PARN: variants seen among roughly 807,000 people sequenced by gnomAD.
The protein encoded by PARN is poly(A)-specific ribonuclease.
A neutral mutation model predicts 102.8 loss-of-function variants in PARN; 71 were observed. That is an observed-to-expected ratio of 0.69 (90% CI 0.57 to 0.84). The LOEUF (loss-of-function observed/expected upper bound fraction) is 0.84. PARN is among the 40% of genes least tolerant of loss of function. The pLI, the probability that PARN is intolerant of heterozygous loss-of-function variation, is 0.00. For missense variants in PARN, 782 were observed against 760.9 expected, an observed-to-expected ratio of 1.03 and a Z score of -0.33; for synonymous variants, 261 against 252.9, an observed-to-expected ratio of 1.03 and a Z score of -0.30.
chr16:14,608,207 G>A, intron 9 of PARN, 74 bp downstream of exon 9: 2 of 1,072,514 alleles, frequency 1.9e-6, no homozygotes, highest in South Asian at 2.9e-5. Flanking sequence ...AAGGAAATGA[G>A]AACTAAGAGA....
chr16:14,604,061 C>T, intron 11 of PARN, 85 bp downstream of exon 11: 1 of 843,648 alleles, frequency 1.2e-6, no homozygotes, highest in African/African-American at 1.7e-5. Context: ...AAATTGAATC[C>T]AACATATGAT....
At chr16:14,594,705 C>T (rs1837430164) in intron 12 of PARN, among the ~76,000 whole-genome samples, 1 of 152,072 alleles carries the variant, frequency 6.6e-6, no homozygotes, top group Non-Finnish European at 1.5e-5. Context: ...GACAGTCAGA[C>T]TCTGTCTTGG....
chr16:14,559,836 G>A (rs534570489), intron 18 of PARN, among the ~76,000 whole-genome samples: 9 of 152,246 alleles, frequency 5.9e-5, no homozygotes, highest in Middle Eastern at 3.4e-3. Context: ...TCCAAAACCC[G>A]GAAGAACACG....
chr16:14,480,428 A>G (rs1316048434), intron 22 of PARN, among the ~76,000 whole-genome samples: 2 of 152,242 alleles, frequency 1.3e-5, no homozygotes, highest in African/African-American at 4.8e-5. Flanking sequence ...CGTGCAGCAA[A>G]AATATCTGAC....
At chr16:14,560,731 C>T (rs926623728) in intron 18 of PARN, among the ~76,000 whole-genome samples, 2 of 152,246 alleles carry the variant, frequency 1.3e-5, no homozygotes, top group Non-Finnish European at 2.9e-5. Flanking sequence ...GTCACTTCCA[C>T]TCAGTCTCTT....
chr16:14,586,360 T>A lies in PARN; in HGVS notation c.920A>T (p.Asp307Val). 1 of 1,522,672 alleles carries A rather than the reference T, an allele frequency of 6.6e-7. No homozygotes were observed. The highest frequency in any genetic ancestry group is 8.9e-7 in the Non-Finnish European group (1 of 1,117,942). The allele number at this position is 1,522,672 out of a possible 1,614,324, so 94.3% of individuals were successfully genotyped here. Residue 307 changes from aspartate (D) to valine (V), a missense_variant and splice_region_variant, in exon 14 of 24, where the codon GAC (aspartate) becomes GTC (valine). Coordinates refer to ENST00000437198, the MANE Select transcript of PARN (RefSeq NM_002582.4). ...TGTCATCTCTTTAAACTCACTTAAGTCCTAAAGAACAAGAGAAGGACTTGT... is the reference window on the plus strand; with the variant it reads ...TGTCATCTCTTTAAACTCACTTAAGACCTAAAGAACAAGAGAAGGACTTGT... ...VHQFYCPLPA[D>V]LSEFKEMTTC...
At chr16:14,438,799 C>G (rs527915177) in intron 23 of PARN, among the ~76,000 whole-genome samples, 1 of 152,184 alleles carries the variant, frequency 6.6e-6, no homozygotes, top group African/African-American at 2.4e-5. Flanking sequence ...TCTACCTGTA[C>G]AGCTGCTGAG....
intron 18 of PARN, among the ~76,000 whole-genome samples, chr16:14,559,227 GTTTTT>G (rs963443305): frequency 6.9e-6 from 1 of 145,950 alleles, no homozygotes; most frequent in Non-Finnish European, 1.5e-5. Context: ...AGATGTTGTT[GTTTTT>G]TTTTTATTTC....
intron 21 of PARN, among the ~76,000 whole-genome samples, chr16:14,524,264 T>A (rs1445248644): frequency 6.6e-6 from 1 of 152,200 alleles, no homozygotes; most frequent in African/African-American, 2.4e-5. Flanking sequence ...TTCTTATTAG[T>A]AAGCTCTCGA....
chr16:14,589,922 G>C (rs1398480339), intron 13 of PARN, among the ~76,000 whole-genome samples: 1 of 151,360 alleles, frequency 6.6e-6, no homozygotes, highest in Non-Finnish European at 1.5e-5. Context: ...GAAGTGGGAT[G>C]ACATAAAATA....
chr16:14,578,062 C>T (rs1969257821), intron 18 of PARN, among the ~76,000 whole-genome samples: 1 of 151,866 alleles, frequency 6.6e-6, no homozygotes, highest in Non-Finnish European at 1.5e-5. Context: ...TGCATGGTGG[C>T]TCACGCCTGT....
At chr16:14,447,939 TATC>T (rs1482131241) in intron 22 of PARN, among the ~76,000 whole-genome samples, 2 of 18,006 alleles carry the variant, frequency 1.1e-4, no homozygotes, top group African/African-American at 4.4e-4. Context: ...TTTTAAATTT[TATC>T]TATCTATCTA....
chr16:14,629,899 C>A (rs770157903), intron 1 of PARN, among the ~76,000 whole-genome samples: 10 of 152,206 alleles, frequency 6.6e-5, no homozygotes, highest in Non-Finnish European at 1.3e-4. Flanking sequence ...CGGATGGTGC[C>A]GGGGTTGGAG....
At chr16:14,584,285 C>G in intron 16 of PARN, 62 bp downstream of exon 16, 2 of 1,239,082 alleles carry the variant, frequency 1.6e-6, no homozygotes, top group South Asian at 1.2e-5. Flanking sequence ...TGCTTTTCTT[C>G]TACAATATAC....
intron 22 of PARN, among the ~76,000 whole-genome samples, chr16:14,460,041 A>G (rs1961878859): frequency 6.6e-6 from 1 of 152,254 alleles, no homozygotes; most frequent in Non-Finnish European, 1.5e-5. Flanking sequence ...ACTGCTAAAA[A>G]ACATGAGAAA....
rs912428339 is a variant in PARN, at chr16:14,630,242, G to A, written c.-117C>T. ...CTGAGGCAGCCGCAGCGGTGACGCCGGCCGCGACTTCCGGAAACAGCGCGC... is the reference window on the plus strand; with the variant it reads ...CTGAGGCAGCCGCAGCGGTGACGCCAGCCGCGACTTCCGGAAACAGCGCGC... On this transcript the variant is annotated 5_prime_UTR_variant, in exon 1 of 24. Coordinates refer to ENST00000437198, the MANE Select transcript of PARN (RefSeq NM_002582.4). The A allele has an allele frequency of 3.1e-5, 28 of 896,602 alleles. 1 individual carries two copies. Among genetic ancestry groups the A allele is most frequent in the South Asian group, 2.5e-4 (15 of 60,004 alleles). The allele number at this position is 896,602 out of a possible 1,614,324, so 55.5% of individuals were successfully genotyped here. A position where few individuals can be genotyped will look rare whatever the true frequency, so the allele number is the denominator to read the frequency against.
intron 18 of PARN, among the ~76,000 whole-genome samples, chr16:14,563,399 G>GAC (rs1260502980): frequency 6.6e-6 from 1 of 152,040 alleles, no homozygotes. Flanking sequence ...AGTGTACCAT[G>GAC]ACAGATCTGG....
Position 14,436,478 on chromosome 16 carries a change from A to C in PARN, c.*239T>G, listed in dbSNP as rs1960701503. On this transcript the variant is annotated 3_prime_UTR_variant, in exon 24 of 24. Transcript: ENST00000437198. ...CGGAATTCACTGGTTAAGCACGTAC[A>C]CATTCATGACAGCCTACAACCGTGA... is the stretch of plus-strand genomic sequence containing the variant. 3.5e-6 allele frequency: 2 copies of C among 572,044 alleles called. No individual in the cohort carries two copies. Among genetic ancestry groups the C allele is most frequent in the Non-Finnish European group, 6.2e-6 (2 of 322,112 alleles). The allele number at this position is 572,044 out of a possible 1,614,324, so 35.4% of individuals were successfully genotyped here. A position where few individuals can be genotyped will look rare whatever the true frequency, so the allele number is the denominator to read the frequency against.
intron 21 of PARN, among the ~76,000 whole-genome samples, chr16:14,494,342 G>C (rs1036468015): frequency 1.1e-4 from 17 of 152,226 alleles, no homozygotes; most frequent in Non-Finnish European, 2.4e-4. Context: ...AGGAGAGAAA[G>C]AGAGCACAGA....
Sources: allele counts gnomAD v4.1 joint callset (sites outside exome capture counted in the v4.1 genomes callset), GRCh38; gene constraint gnomAD v4.1.1; transcripts MANE v1.5; gene names NCBI Gene and HGNC (gene_info 2026-07-23, HGNC 2026-07-21).